The following CRYBG1 variants were observed in gnomAD, a reference collection of about 807,000 sequenced individuals.
CRYBG1 encodes beta/gamma crystallin domain-containing protein 1.
A neutral mutation model predicts 189.2 loss-of-function variants in CRYBG1; 139 were observed. The observed-to-expected ratio is 0.73, with a 90% CI of 0.64 to 0.85. CRYBG1 has a LOEUF of 0.85. CRYBG1 is among the 40% of genes least tolerant of loss of function. CRYBG1 has a pLI of 0.00. For synonymous variants in CRYBG1, 1,023 were observed against 1,017.1 expected (o/e 1.01, Z -0.11); for missense variants, 2,611 against 2,675.8 (o/e 0.98, Z 0.53).
chr6:106,437,396 A>G (rs1771479344), intron 1 of CRYBG1, among the ~76,000 whole-genome samples: 1 of 151,746 alleles, frequency 6.6e-6, no homozygotes. Context: ...TTATTTTTGC[A>G]TAGTAAAACT....
At chr6:106,408,667 C>T (rs6919311) in intron 1 of CRYBG1, among the ~76,000 whole-genome samples, 61,111 of 152,006 alleles carry the variant, frequency 0.4, 12,569 homozygotes, top group South Asian at 0.58. Flanking sequence ...AAAGCTTATC[C>T]ACCACGATCA....
chr6:106,395,648 T>C (rs1770589287), intron 1 of CRYBG1, among the ~76,000 whole-genome samples: 2 of 152,168 alleles, frequency 1.3e-5, no homozygotes, highest in Non-Finnish European at 2.9e-5. Context: ...AGATTATGGA[T>C]TTTCAGAAGT....
intron 1 of CRYBG1, among the ~76,000 whole-genome samples, chr6:106,409,556 G>A (rs1289492093): frequency 2.7e-5 from 4 of 150,504 alleles, no homozygotes; most frequent in South Asian, 2.1e-4. Context: ...AAAAGAGCCC[G>A]TGTAGCCAAG....
chr6:106,564,547 G>A (rs1411471150), intron 21 of CRYBG1, among the ~76,000 whole-genome samples: 5 of 152,184 alleles, frequency 3.3e-5, no homozygotes, highest in Admixed American at 2.0e-4. Context: ...GAATCACCTG[G>A]AGGGCGGGTT....
rs564097362 is a variant in CRYBG1 at position 106,512,092 on chromosome 6, C to G, written c.975C>G (p.Ser325=). 2.2e-4 allele frequency: 330 copies of G among 1,534,380 alleles called. No homozygotes were observed. In the African/African-American group the frequency reaches 4.0e-3, roughly 18 times the overall value. ...CCAGTGTGTGTGCCGAAGAAGGCTCCCTGGGGCCCCGCAACGCCCGCAGCC... is the reference window on the plus strand; with the variant it reads ...CCAGTGTGTGTGCCGAAGAAGGCTCGCTGGGGCCCCGCAACGCCCGCAGCC... ...GAPSVCAEEG[S]LGPRNARSQP... The change falls in exon 3 of 22, where the codon TCC becomes TCG. Residue 325 remains serine (S), a synonymous_variant. Transcript: ENST00000633556.
In CRYBG1 at chr6:106,512,205, C is replaced by A; in HGVS notation, c.1088C>A (p.Thr363Lys). 6.5e-7 allele frequency: 1 copy of A among 1,536,060 alleles called. No individual in the cohort carries two copies. Among genetic ancestry groups the A allele is most frequent in the East Asian group, 2.4e-5 (1 of 40,898 alleles). ...HTASSAQADC[T>K]ARPKGHAHPA... ...GCCAGCTCCGCGCAGGCAGACTGCA[C>A]AGCCCGCCCCAAGGGTCACGCCCAC... The change falls in exon 3 of 22, where the codon ACA (threonine) becomes AAA (lysine). Residue 363 changes from threonine (T) to lysine (K), a missense_variant. Thr to Lys is a moderately conservative substitution (Grantham distance 78). Coordinates refer to ENST00000633556, the MANE Select transcript of CRYBG1 (RefSeq NM_001371242.2).
intron 16 of CRYBG1, among the ~76,000 whole-genome samples, chr6:106,553,789 G>A (rs199919479): frequency 6.6e-6 from 1 of 152,318 alleles, no homozygotes; most frequent in East Asian, 1.9e-4. Flanking sequence ...ATGGAATTCA[G>A]AGCAGGTTCT....
intron 1 of CRYBG1, among the ~76,000 whole-genome samples, chr6:106,447,570 A>ATATC (rs1562309776): frequency 7.2e-6 from 1 of 138,858 alleles, no homozygotes; most frequent in African/African-American, 2.6e-5. Flanking sequence ...ATATATATAT[A>ATATC]TATCTACTAT....
chr6:106,484,659 A>G (rs1029608756), intron 2 of CRYBG1, among the ~76,000 whole-genome samples: 1 of 151,928 alleles, frequency 6.6e-6, no homozygotes, highest in South Asian at 2.1e-4. Context: ...TTGGCTACTC[A>G]GGTTCTTTTG....
intron 1 of CRYBG1, among the ~76,000 whole-genome samples, chr6:106,412,809 G>A (rs560534116): frequency 6.6e-5 from 10 of 152,030 alleles, no homozygotes; most frequent in Non-Finnish European, 1.0e-4. Flanking sequence ...CTTGTGTGGC[G>A]GATTTCTTAC....
At chr6:106,521,734 T>TTTTTTTTA (rs1773617392) in intron 4 of CRYBG1, among the ~76,000 whole-genome samples, 1 of 145,946 alleles carries the variant, frequency 6.9e-6, no homozygotes, top group African/African-American at 2.6e-5. Flanking sequence ...TTTTTTTTTT[T>TTTTTTTTA]TTGAGACAGA....
chr6:106,512,607 G>A lies in CRYBG1; in HGVS notation c.1490G>A (p.Arg497Gln). The change falls in exon 3 of 22, where the codon CGA becomes CAA. Residue 497 changes from arginine to glutamine, a missense_variant. Physicochemically the swap from Arg to Gln is conservative, Grantham distance 43. Coordinates refer to ENST00000633556, the MANE Select transcript of CRYBG1 (RefSeq NM_001371242.2). ...KPSPGTKGQLRGESDRSKQPP... is the reference protein window; with the variant it reads ...KPSPGTKGQLQGESDRSKQPP... The stretch of plus-strand genomic sequence containing the variant: ...AGCCCCGGTACCAAAGGGCAGCTCC[G>A]AGGGGAGTCGGACCGGAGCAAACAG... 7 of 1,602,058 alleles carry A rather than the reference G, an allele frequency of 4.4e-6. No homozygotes were observed. Among genetic ancestry groups the A allele is most frequent in the Non-Finnish European group, 5.1e-6 (6 of 1,175,186 alleles).
chr6:106,505,225 G>A (rs1171021995), intron 2 of CRYBG1, among the ~76,000 whole-genome samples: 1 of 151,972 alleles, frequency 6.6e-6, no homozygotes, highest in Non-Finnish European at 1.5e-5. Flanking sequence ...CTCCCAAGTA[G>A]CTGGGACTAC....
At chr6:106,398,078 C>A (rs1470801776) in intron 1 of CRYBG1, among the ~76,000 whole-genome samples, 3 of 152,148 alleles carry the variant, frequency 2.0e-5, no homozygotes, top group Non-Finnish European at 4.4e-5. Context: ...CTATTACACA[C>A]AATTGCTTTC....
chr6:106,543,781 G>A (rs184220393), intron 11 of CRYBG1, among the ~76,000 whole-genome samples, 184 bp downstream of exon 11: 15 of 152,322 alleles, frequency 9.8e-5, no homozygotes, highest in Admixed American at 3.9e-4. Context: ...GCTGGGTGTG[G>A]TGGCTCACAC....
At chr6:106,567,896 T>G (rs1582847489) in intron 21 of CRYBG1, among the ~76,000 whole-genome samples, 1 of 106,842 alleles carries the variant, frequency 9.4e-6, no homozygotes, top group East Asian at 2.6e-4. Flanking sequence ...ATCCACCAAC[T>G]GAGTCCCCAG....
chr6:106,566,746 T>C (rs1267895526), intron 21 of CRYBG1, among the ~76,000 whole-genome samples: 6 of 152,072 alleles, frequency 3.9e-5, no homozygotes, highest in Admixed American at 3.3e-4. Context: ...CCACACCCCA[T>C]GCAAAGGAAA....
At chr6:106,439,491 A>C (rs185681419) in intron 1 of CRYBG1, among the ~76,000 whole-genome samples, 2 of 152,230 alleles carry the variant, frequency 1.3e-5, no homozygotes, top group South Asian at 4.1e-4. Flanking sequence ...CAATTTTCAC[A>C]AAGTGAAAGT....
At chr6:106,422,301 C>T (rs1011137354) in intron 1 of CRYBG1, among the ~76,000 whole-genome samples, 3 of 130,786 alleles carry the variant, frequency 2.3e-5, no homozygotes, top group Admixed American at 7.7e-5. Flanking sequence ...CCTTTCTAAT[C>T]AAAATCCCAA....
Sources: allele counts gnomAD v4.1 joint callset (sites outside exome capture counted in the v4.1 genomes callset), GRCh38; gene constraint gnomAD v4.1.1; transcripts MANE v1.5; gene names NCBI Gene and HGNC (gene_info 2026-07-23, HGNC 2026-07-21).